BSN: variants seen among roughly 807,000 people sequenced by gnomAD.
The protein encoded by BSN is protein bassoon.
Under a neutral mutation model 264.8 loss-of-function variants are expected in BSN, and 57 were observed. The ratio of observed to expected loss-of-function variants is 0.22; its 90% CI spans 0.17 to 0.27. The LOEUF is 0.27. Ranked by LOEUF, BSN falls within the 10% of genes least tolerant of loss-of-function variation. The pLI is 1.00. For synonymous variants in BSN, 2,059 were observed against 2,137.3 expected, an observed-to-expected ratio of 0.96 and a Z score of 1.01; for missense variants, 4,615 against 5,232.5, an observed-to-expected ratio of 0.88 and a Z score of 3.64.
chr3:49,594,585 C>T (rs2052006398), intron 1 of BSN, among the ~76,000 whole-genome samples: 1 of 152,144 alleles, frequency 6.6e-6, no homozygotes, highest in African/African-American at 2.4e-5. Flanking sequence ...TGTAGCTACA[C>T]AGGAAGTCTT....
At chr3:49,628,995 T>C (rs1014051455) in intron 2 of BSN, among the ~76,000 whole-genome samples, 1 of 151,916 alleles carries the variant, frequency 6.6e-6, no homozygotes, top group Non-Finnish European at 1.5e-5. Context: ...AGAGAAAGAC[T>C]GGGTGTTTCT....
intron 1 of BSN, among the ~76,000 whole-genome samples, chr3:49,619,513 A>T (rs1313948307): frequency 1.3e-5 from 2 of 152,176 alleles, no homozygotes; most frequent in Non-Finnish European, 2.9e-5. Context: ...GCAAGTCATG[A>T]TGGCTTTGTA....
At chr3:49,594,297 A>T (rs930502554) in intron 1 of BSN, among the ~76,000 whole-genome samples, 4 of 152,072 alleles carry the variant, frequency 2.6e-5, no homozygotes, top group African/African-American at 9.7e-5. Flanking sequence ...AGATCCTGAA[A>T]TTTTTCCTAA....
chr3:49,581,591 C>T (rs533277447), intron 1 of BSN, among the ~76,000 whole-genome samples: 51 of 151,708 alleles, frequency 3.4e-4, no homozygotes, highest in African/African-American at 1.2e-3. Context: ...TTGGGGAAGC[C>T]GAGGTGGGCG....
Position 49,624,957 on chromosome 3 carries a change from T to C in BSN, c.225-18T>C, listed in dbSNP as rs1397004326. On this transcript the variant is annotated intron_variant, in intron 1 of 11. Transcript: ENST00000296452. ...CTCTAAGCTGTATCTCTAACAGTCA[T>C]TTTCAATGTCATTTCAGCACTTCCC... 1 of 1,500,114 alleles carries C rather than the reference T, an allele frequency of 6.7e-7. No individual in the cohort carries two copies. Among genetic ancestry groups the C allele is most frequent in the African/African-American group, 1.4e-5 (1 of 70,952 alleles). The allele number at this position is 1,500,114 out of a possible 1,614,324, so 92.9% of individuals were successfully genotyped here. A position where few individuals can be genotyped will look rare whatever the true frequency, so the allele number is the denominator to read the frequency against.
chr3:49,643,127 T>C lies in BSN; in HGVS notation c.1493T>C (p.Phe498Ser). The C allele has an allele frequency of 1.9e-6, 3 of 1,611,004 alleles. No homozygotes were observed. Among genetic ancestry groups the C allele is most frequent in the Non-Finnish European group, 2.5e-6 (3 of 1,177,914 alleles). The change falls in exon 3 of 12, where the codon TTC becomes TCC. Residue 498 changes from phenylalanine (F) to serine (S), a missense_variant. Phe to Ser is a radical substitution (Grantham distance 155). Transcript: ENST00000296452. ...CRLQVCNLCG[F>S]NPTPHLVEKT... is the part of the protein sequence containing the mutation. ...CTCCAGGTGTGCAACCTGTGTGGCT[T>C]CAACCCAACACCCCACCTGGTGGAG... is the stretch of plus-strand genomic sequence containing the variant.
At chr3:49,666,511 AT>A (rs1404750722) in intron 11 of BSN, among the ~76,000 whole-genome samples, 2 of 152,264 alleles carry the variant, frequency 1.3e-5, no homozygotes, top group Admixed American at 1.3e-4. Context: ...ATAAAATTCA[AT>A]TAAAAAGGTA....
Position 49,654,623 on chromosome 3 carries a change from T to C in BSN, c.5067T>C (p.Leu1689=). The stretch of plus-strand genomic sequence containing the variant: ...ACCAGGGCATGGACCTCACCTCTCT[T>C]GCTGTGGAAGCGAGGAAGTATGGTC... The part of the protein sequence containing the change: ...LTDQGMDLTS[L]AVEARKYGLA... The change falls in exon 5 of 12, where the codon CTT becomes CTC. Residue 1689 remains leucine, a synonymous_variant. Coordinates refer to ENST00000296452, the MANE Select transcript of BSN (RefSeq NM_003458.4). This position sits in a 1 kb window ranked among gnomAD's most constrained non-coding sequence, Gnocchi z 4.1. 6.2e-7 allele frequency: 1 copy of C among 1,614,046 alleles called. No individual in the cohort carries two copies. The highest frequency in any genetic ancestry group is 1.6e-4 in the Middle Eastern group (1 of 6,062).
At chr3:49,563,790 A>G (rs2051733234) in intron 1 of BSN, among the ~76,000 whole-genome samples, 1 of 152,202 alleles carries the variant, frequency 6.6e-6, no homozygotes, top group Non-Finnish European at 1.5e-5. Flanking sequence ...TAGGGGCTAC[A>G]GCTCTCCCTT....
At chr3:49,584,285 A>ATTT (rs34680713) in intron 1 of BSN, among the ~76,000 whole-genome samples, 2 of 149,174 alleles carry the variant, frequency 1.3e-5, no homozygotes, top group Non-Finnish European at 3.0e-5. Flanking sequence ...AGGCTTATTG[A>ATTT]TTTTTTTTTT....
rs754219572 is a variant in BSN at position 49,651,992 on chromosome 3, C to T, written c.2436C>T (p.His812=). The T allele has an allele frequency of 1.4e-4, 219 of 1,613,392 alleles. No individual in the cohort carries two copies. The highest frequency in any genetic ancestry group is 4.9e-4 in the Middle Eastern group (3 of 6,080). The stretch of plus-strand genomic sequence containing the variant: ...ACGACTTTGGCAGCCAATTGAGGCA[C>T]GACTATGTGGAGGACAGCAGTGAGG... The part of the protein sequence containing the change: ...SSDDFGSQLR[H]DYVEDSSEGG... The change falls in exon 5 of 12, where the codon CAC becomes CAT. Residue 812 remains histidine (H), a synonymous_variant. Transcript: ENST00000296452. The surrounding 1 kb of genome is among the most constrained non-coding windows in gnomAD (Gnocchi z 5.4).
chr3:49,645,309 A>C (rs1210203217), intron 3 of BSN, among the ~76,000 whole-genome samples: 1 of 152,134 alleles, frequency 6.6e-6, no homozygotes, highest in Non-Finnish European at 1.5e-5. Context: ...GCCTGCAGCT[A>C]TTCTAGGGAA....
In BSN at chr3:49,651,511, G is replaced by C; in HGVS notation, c.1987-32G>C. 1 of 1,530,564 alleles carries C rather than the reference G, an allele frequency of 6.5e-7. No individual in the cohort carries two copies. Among genetic ancestry groups the C allele is most frequent in the Non-Finnish European group, 8.8e-7 (1 of 1,137,748 alleles). The allele number at this position is 1,530,564 out of a possible 1,614,324, so 94.8% of individuals were successfully genotyped here. On this transcript the variant is annotated intron_variant, in intron 4 of 11. Coordinates refer to ENST00000296452, the MANE Select transcript of BSN (RefSeq NM_003458.4). This position sits in a 1 kb window ranked among gnomAD's most constrained non-coding sequence, Gnocchi z 5.4. ...GTTCCCACCACGAGCTTTGCCATGG[G>C]GAGTCAGTGTCTGCTTTTCACCCTG...
intron 2 of BSN, among the ~76,000 whole-genome samples, chr3:49,640,044 C>CAT (rs10623191): frequency 0.82 from 124,386 of 152,070 alleles, 51,235 homozygotes; most frequent in East Asian, 0.99. Context: ...GCTGGAGCCA[C>CAT]GTGTGGGTAA....
intron 1 of BSN, among the ~76,000 whole-genome samples, chr3:49,560,936 G>C (rs972963844): frequency 6.6e-5 from 10 of 152,196 alleles, no homozygotes; most frequent in Admixed American, 2.0e-4. Context: ...TGTGGAATGG[G>C]ATACTCCCTG....
At chr3:49,636,433 G>T (rs532534487) in intron 2 of BSN, among the ~76,000 whole-genome samples, 2 of 152,254 alleles carry the variant, frequency 1.3e-5, no homozygotes, top group Admixed American at 1.3e-4. Flanking sequence ...TCATGGATGG[G>T]GTGTGTTACA....
chr3:49,625,783 A>C lies in BSN; in HGVS notation c.633+400A>C, dbSNP rs1360855503. On this transcript the variant is annotated intron_variant, in intron 2 of 11. Coordinates refer to ENST00000296452, the MANE Select transcript of BSN (RefSeq NM_003458.4). This position sits in a 1 kb window ranked among gnomAD's most constrained non-coding sequence, Gnocchi z 4.4. ...GAGGCAAATTTCCCTGATCTAGGCCAGGAGGCCTCTGTCTTTGACAGCAGG... is the reference window on the plus strand; with the variant it reads ...GAGGCAAATTTCCCTGATCTAGGCCCGGAGGCCTCTGTCTTTGACAGCAGG... Among the ~76,000 whole-genome samples, 1 of 152,246 alleles carries C rather than the reference A, an allele frequency of 6.6e-6. No homozygotes were observed. Among genetic ancestry groups the C allele is most frequent in the Admixed American group, 6.5e-5 (1 of 15,284 alleles).
intron 6 of BSN, 64 bp from the exon 7 acceptor site, chr3:49,662,812 T>TCAGCTAGGCCTCCCCCTG (rs1286186568): frequency 2.0e-6 from 3 of 1,509,772 alleles, no homozygotes; most frequent in Non-Finnish European, 2.7e-6. Context: ...TTGCATGGCT[T>TCAGCTAGGCCTCCCCCTG]CAGCTAGGCC....
chr3:49,639,199 C>CTTTTTTTTTT (rs71631022), intron 2 of BSN, among the ~76,000 whole-genome samples: 3 of 133,868 alleles, frequency 2.2e-5, no homozygotes, highest in Non-Finnish European at 1.6e-5. Context: ...CTTTCTTTTT[C>CTTTTTTTTTT]TTTTTTTTTT....
Sources: gnomAD v4.1 joint callset for allele counts (sites outside exome capture counted in the v4.1 genomes callset) on GRCh38, gnomAD v4.1.1 for gene constraint, Gnocchi (gnomAD v3.1) non-coding constraint, MANE v1.5 for transcripts, NCBI Gene and HGNC (gene_info 2026-07-23, HGNC 2026-07-21) for gene names.